The following TMEM131 variants were observed in gnomAD, a reference collection of about 807,000 sequenced individuals.
TMEM131 encodes the protein 2610524E03Rik.
In TMEM131, 66 loss-of-function variants were observed where a neutral mutation model predicts 211.6. That is an observed-to-expected ratio of 0.31 (90% CI 0.26 to 0.38). The LOEUF is 0.38. Ranked by LOEUF, TMEM131 falls within the 10% of genes least tolerant of loss-of-function variation. The pLI is 1.00. For synonymous variants in TMEM131, 844 were observed against 841.3 expected (o/e 1.00, Z -0.06); for missense variants, 2,036 against 2,299.3 (o/e 0.89, Z 2.34).
intron 4 of TMEM131, among the ~76,000 whole-genome samples, chr2:97,871,674 C>T (rs1386605296): frequency 6.6e-6 from 1 of 152,220 alleles, no homozygotes; most frequent in Non-Finnish European, 1.5e-5. Context: ...CATCCTCAAC[C>T]AATCAACATT....
intron 33 of TMEM131, among the ~76,000 whole-genome samples, chr2:97,769,132 G>T (rs1197624865): frequency 6.7e-6 from 1 of 149,918 alleles, no homozygotes; most frequent in Non-Finnish European, 1.5e-5. Flanking sequence ...ACAGGTGTGT[G>T]CCATCACACC....
intron 2 of TMEM131, among the ~76,000 whole-genome samples, chr2:97,915,301 G>C (rs1007636406): frequency 1.3e-5 from 2 of 152,024 alleles, no homozygotes; most frequent in African/African-American, 4.8e-5. Flanking sequence ...ATCTTCACAT[G>C]GTCTTTTGCA....
chr2:97,908,167 T>G (rs1169009412), intron 3 of TMEM131, among the ~76,000 whole-genome samples: 2 of 152,202 alleles, frequency 1.3e-5, no homozygotes, highest in Non-Finnish European at 2.9e-5. Flanking sequence ...CAAATTCACA[T>G]GCATGTACCT....
chr2:97,961,698 C>T (rs1237547757), intron 1 of TMEM131, among the ~76,000 whole-genome samples: 1 of 152,112 alleles, frequency 6.6e-6, no homozygotes, highest in Non-Finnish European at 1.5e-5. Context: ...ATCAACAGAA[C>T]AGAATTGAAA....
intron 26 of TMEM131, 125 bp from the exon 27 acceptor site, chr2:97,797,111 C>G (rs1470061902): frequency 1.6e-5 from 18 of 1,104,038 alleles, no homozygotes; most frequent in Middle Eastern, 4.2e-4. Context: ...AGAATTTATA[C>G]TTTAAGAATT....
intron 5 of TMEM131, among the ~76,000 whole-genome samples, chr2:97,852,433 C>T (rs1290042362): frequency 1.3e-5 from 2 of 152,096 alleles, no homozygotes; most frequent in Non-Finnish European, 2.9e-5. Context: ...GCTGGGACTA[C>T]AGGCGTGAGC....
In TMEM131 at chr2:97,775,940, G is replaced by A; in HGVS notation, c.4223C>T (p.Pro1408Leu). 1 of 1,613,924 alleles carries A rather than the reference G, an allele frequency of 6.2e-7. No individual in the cohort carries two copies. The highest frequency in any genetic ancestry group is 1.7e-5 in the Admixed American group (1 of 60,004). ...AGAGTCCTTCAGCTCATCTTCCTGT[G>A]GCTTTCCCTTTCCCTTCTTCTCCTT... The part of the protein sequence containing the change: ...EEKEKKGKGK[P>L]QEDELKDSLA... The change falls in exon 32 of 41, where the codon CCA (proline) becomes CTA (leucine). Residue 1408 changes from proline (P) to leucine (L), a missense_variant. Physicochemically the swap from Pro to Leu is moderately conservative, Grantham distance 98. This residue lies in a region of TMEM131 where 1,623 missense variants were observed against 1,805.9 expected (regional missense o/e 0.90). Coordinates refer to ENST00000186436, the MANE Select transcript of TMEM131 (RefSeq NM_015348.2).
intron 1 of TMEM131, among the ~76,000 whole-genome samples, chr2:97,971,995 G>A (rs1272580264): frequency 6.6e-6 from 1 of 152,184 alleles, no homozygotes; most frequent in African/African-American, 2.4e-5. Flanking sequence ...ATCACTTGAG[G>A]TCAGGAGTTT....
intron 4 of TMEM131, among the ~76,000 whole-genome samples, chr2:97,861,094 A>T (rs1442326802): frequency 6.6e-6 from 1 of 152,182 alleles, no homozygotes; most frequent in African/African-American, 2.4e-5. Flanking sequence ...CCAAGGAGAC[A>T]GCATTTAGAT....
At chr2:97,814,450 T>C in intron 13 of TMEM131, 62 bp from the exon 14 acceptor site, 1 of 1,415,426 alleles carries the variant, frequency 7.1e-7, no homozygotes. Flanking sequence ...TAATTTAAAA[T>C]CCAAGTTCTT....
chr2:97,805,803 G>C (rs974042554), intron 19 of TMEM131, 100 bp from the exon 20 acceptor site: 2 of 1,055,794 alleles, frequency 1.9e-6, no homozygotes, highest in African/African-American at 3.2e-5. Flanking sequence ...GGAAACCAAA[G>C]CCCAAAAGAC....
chr2:97,850,609 C>T (rs1036104100), intron 5 of TMEM131, among the ~76,000 whole-genome samples: 2 of 151,920 alleles, frequency 1.3e-5, no homozygotes, highest in Non-Finnish European at 2.9e-5. Flanking sequence ...ACCTATGTAA[C>T]GAACCTGCAC....
At chr2:97,853,403 TC>T (rs1183633678) in intron 5 of TMEM131, among the ~76,000 whole-genome samples, 3 of 135,104 alleles carry the variant, frequency 2.2e-5, no homozygotes, top group Non-Finnish European at 4.6e-5. Context: ...GAGACCAGCC[TC>T]GCCAACATGG....
chr2:97,970,096 G>C (rs1217432649), intron 1 of TMEM131, among the ~76,000 whole-genome samples: 1 of 152,172 alleles, frequency 6.6e-6, no homozygotes, highest in African/African-American at 2.4e-5. Context: ...CAAAGCATGA[G>C]ACACATCTTA....
chr2:97,793,031 T>C, intron 30 of TMEM131, 47 bp from the exon 31 acceptor site: 2 of 1,347,182 alleles, frequency 1.5e-6, no homozygotes, highest in Non-Finnish European at 2.0e-6. Context: ...ACCTACAAAA[T>C]CTAATATTAA....
At chr2:97,929,386 T>A (rs558147681) in intron 1 of TMEM131, among the ~76,000 whole-genome samples, 1 of 151,878 alleles carries the variant, frequency 6.6e-6, no homozygotes, top group East Asian at 1.9e-4. Flanking sequence ...AACTTTCACA[T>A]GCAGAATTTC....
At chr2:97,841,995 G>C (rs1271698489) in intron 6 of TMEM131, 58 bp from the exon 7 acceptor site, 1 of 1,409,162 alleles carries the variant, frequency 7.1e-7, no homozygotes, top group Non-Finnish European at 9.4e-7. Flanking sequence ...AATATTTTTA[G>C]TTATAACTGA....
chr2:97,839,972 C>T (rs1359309908), intron 7 of TMEM131, among the ~76,000 whole-genome samples: 1 of 152,148 alleles, frequency 6.6e-6, no homozygotes, highest in Admixed American at 6.5e-5. Flanking sequence ...GGAGAACATA[C>T]TCATGTGTTT....
At chr2:97,969,860 C>T (rs1363293902) in intron 1 of TMEM131, among the ~76,000 whole-genome samples, 1 of 152,184 alleles carries the variant, frequency 6.6e-6, no homozygotes, top group African/African-American at 2.4e-5. Flanking sequence ...GTAAAAAATG[C>T]AAAATCATCC....
Sources: gnomAD v4.1 joint callset for allele counts (sites outside exome capture counted in the v4.1 genomes callset) on GRCh38, gnomAD v4.1.1 for gene constraint, gnomAD v4.1.1 regional missense constraint, MANE v1.5 for transcripts, NCBI Gene and HGNC (gene_info 2026-07-23, HGNC 2026-07-21) for gene names.